The following CLNK variants were observed in gnomAD, a reference collection of about 807,000 sequenced individuals.
The protein encoded by CLNK is cytokine dependent hematopoietic cell linker.
In CLNK, 74 loss-of-function variants were observed where a neutral mutation model predicts 68.6. The ratio of observed to expected loss-of-function variants is 1.08; its 90% CI spans 0.89 to 1.31. The LOEUF (loss-of-function observed/expected upper bound fraction) is 1.31, where lower values mean the gene tolerates loss of function less well. CLNK is among the 50% of genes most tolerant of loss of function. The pLI, the probability that CLNK is intolerant of heterozygous loss-of-function variation, is 0.00. For missense variants in CLNK, 553 were observed against 515.3 expected (o/e 1.07, Z -0.71); for synonymous variants, 198 against 172.2 (o/e 1.15, Z -1.17).
At chr4:10,709,353 TTTAATCA>T in the CLNK span, among the ~76,000 whole-genome samples, 8 of 152,196 alleles carry the variant, frequency 5.3e-5, no homozygotes, top group African/African-American at 1.9e-4. Context: ...GACTTTCTTG[TTTAATCA>T]TTAGCACTGC....
Position 10,528,239 on chromosome 4 carries a change from C to T in CLNK, c.631-145G>A, listed in dbSNP as rs535029569. The T allele has an allele frequency of 4.0e-4, 156 of 385,944 alleles. 1 individual carries two copies. The highest frequency in any genetic ancestry group is 6.6e-4 in the Non-Finnish European group (145 of 220,016). 23.9% of individuals were successfully genotyped at this position (385,944 alleles called of 1,614,324 possible). A position where few individuals can be genotyped will look rare whatever the true frequency, so the allele number is the denominator to read the frequency against. ...TAGTTCGTAGTTTTAAAAAAATCTA[C>T]AAATAATTCTTCATAAAACTAAACA... On this transcript the variant is annotated intron_variant, in intron 12 of 18. Transcript: ENST00000226951.
intron 4 of CLNK, among the ~76,000 whole-genome samples, chr4:10,581,923 C>T (rs1399740250): frequency 6.6e-6 from 1 of 152,072 alleles, no homozygotes; most frequent in Non-Finnish European, 1.5e-5. Flanking sequence ...TAAAGAATGG[C>T]CCAGAACTAC....
chr4:10,694,334 C>T, the CLNK span, among the ~76,000 whole-genome samples: 2 of 151,964 alleles, frequency 1.3e-5, no homozygotes, highest in African/African-American at 2.4e-5. Flanking sequence ...AGGGCACTCA[C>T]ACACAGTGGC....
intron 7 of CLNK, among the ~76,000 whole-genome samples, chr4:10,562,101 C>CTTTTTTTTTTTTT (rs11345903): frequency 1.3e-4 from 17 of 129,256 alleles, no homozygotes; most frequent in Non-Finnish European, 1.6e-4. Context: ...TTTTTCTTTT[C>CTTTTTTTTTTTTT]TTTTTTTTTT....
chr4:10,726,935 G>A, the CLNK span, among the ~76,000 whole-genome samples: 1 of 152,162 alleles, frequency 6.6e-6, no homozygotes, highest in African/African-American at 2.4e-5. Context: ...TGTAATACGT[G>A]TTTCTTTAGG....
At chr4:10,511,051 G>T (rs1717559788) in intron 16 of CLNK, among the ~76,000 whole-genome samples, 1 of 152,192 alleles carries the variant, frequency 6.6e-6, no homozygotes, top group Non-Finnish European at 1.5e-5. Context: ...TACTTGGGAG[G>T]CTGAGGCAGG....
chr4:10,606,167 C>A (rs974053241), intron 2 of CLNK, among the ~76,000 whole-genome samples: 2 of 152,166 alleles, frequency 1.3e-5, no homozygotes, highest in Non-Finnish European at 2.9e-5. Context: ...TATACTTATT[C>A]TGTAAACATT....
intron 2 of CLNK, among the ~76,000 whole-genome samples, chr4:10,622,940 TA>T (rs1341952140): frequency 5.9e-5 from 9 of 152,262 alleles, no homozygotes; most frequent in Non-Finnish European, 1.5e-5. Context: ...ACAAGGACAC[TA>T]ATTTTCTTCA....
chr4:10,655,832 G>A (rs189222126), intron 2 of CLNK, among the ~76,000 whole-genome samples: 61 of 151,872 alleles, frequency 4.0e-4, no homozygotes, highest in East Asian at 2.5e-3. Flanking sequence ...TGTATTTTTA[G>A]TAGAGATGGG....
At chr4:10,597,829 CT>C in intron 3 of CLNK, 148 bp downstream of exon 3, 1 of 618,848 alleles carries the variant, frequency 1.6e-6, no homozygotes, top group South Asian at 2.1e-5. Flanking sequence ...AGCCAATCCC[CT>C]TCTCCTGCAC....
chr4:10,645,729 A>G (rs1723482449), intron 2 of CLNK, among the ~76,000 whole-genome samples: 1 of 152,194 alleles, frequency 6.6e-6, no homozygotes, highest in African/African-American at 2.4e-5. Flanking sequence ...TGGGTACAAA[A>G]ATACAGTTAG....
intron 2 of CLNK, among the ~76,000 whole-genome samples, chr4:10,655,087 C>T (rs1167426564): frequency 1.7e-5 from 2 of 118,850 alleles, no homozygotes; most frequent in East Asian, 2.4e-4. Context: ...GGTGACAGAA[C>T]GAGACACCGA....
chr4:10,598,495 C>G (rs1368441293), intron 2 of CLNK, among the ~76,000 whole-genome samples: 4 of 152,200 alleles, frequency 2.6e-5, no homozygotes, highest in African/African-American at 7.2e-5. Context: ...AGATGCTTCC[C>G]TATGTTGGTT....
intron 3 of CLNK, 55 bp from the exon 4 acceptor site, chr4:10,585,010 C>A (rs1313593282): frequency 1.9e-6 from 3 of 1,591,780 alleles, no homozygotes; most frequent in African/African-American, 2.7e-5. Context: ...TCCACCGACC[C>A]CCCGCCACAT....
the CLNK span, among the ~76,000 whole-genome samples, chr4:10,691,909 C>A: frequency 6.6e-6 from 1 of 152,158 alleles, no homozygotes; most frequent in Non-Finnish European, 1.5e-5. Flanking sequence ...GACAAGGAGA[C>A]TCCTAGAATA....
At chr4:10,516,837 C>CTATAT (rs1469040536) in intron 15 of CLNK, among the ~76,000 whole-genome samples, 5 of 152,160 alleles carry the variant, frequency 3.3e-5, no homozygotes, top group Admixed American at 3.3e-4. Flanking sequence ...AGGCGTGAGC[C>CTATAT]ACCACGCCTG....
the CLNK span, among the ~76,000 whole-genome samples, chr4:10,707,412 C>A: frequency 6.6e-6 from 1 of 152,188 alleles, no homozygotes; most frequent in Non-Finnish European, 1.5e-5. Context: ...CCATCAATTT[C>A]TTCATAAATT....
intron 2 of CLNK, among the ~76,000 whole-genome samples, chr4:10,622,223 G>A (rs964950685): frequency 6.6e-6 from 1 of 152,154 alleles, no homozygotes; most frequent in African/African-American, 2.4e-5. Flanking sequence ...GGAACCAGGA[G>A]TTATAATGAT....
intron 16 of CLNK, among the ~76,000 whole-genome samples, chr4:10,510,271 C>A (rs898419479): frequency 6.6e-6 from 1 of 152,086 alleles, no homozygotes; most frequent in East Asian, 1.9e-4. Context: ...TTCTAGCCCC[C>A]CTGAATAATT....
Sources: allele counts gnomAD v4.1 joint callset (sites outside exome capture counted in the v4.1 genomes callset), GRCh38; gene constraint gnomAD v4.1.1; transcripts MANE v1.5; gene names NCBI Gene and HGNC (gene_info 2026-07-23, HGNC 2026-07-21).